The following ZC3H12B variants were observed in gnomAD, a reference collection of about 807,000 sequenced individuals.
ZC3H12B encodes the protein zinc finger CCCH-type containing 12B.
ZC3H12B carries 7 observed loss-of-function variants against 43.9 expected under a neutral mutation model. The observed-to-expected ratio is 0.16, with a 90% confidence interval of 0.09 to 0.30. ZC3H12B has a LOEUF of 0.30. Among genes scored for constraint, ZC3H12B ranks in the 10% least tolerant of loss-of-function variants. ZC3H12B has a pLI of 1.00. For missense variants in ZC3H12B, 475 were observed against 670.2 expected, an observed-to-expected ratio of 0.71 and a Z score of 3.22; for synonymous variants, 222 against 241.7, an observed-to-expected ratio of 0.92 and a Z score of 0.76.
At chrX:65,223,908 C>A in the ZC3H12B span, among the ~76,000 whole-genome samples, 1 of 112,152 alleles carries the variant, frequency 8.9e-6, no homozygotes, top group South Asian at 3.7e-4. Flanking sequence ...CCTTAAAGAA[C>A]TAAAAGTAGA....
At chrX:65,375,949 G>A (rs1487871183) in intron 2 of ZC3H12B, among the ~76,000 whole-genome samples, 3 of 111,992 alleles carry the variant, frequency 2.7e-5, no homozygotes, top group African/African-American at 6.5e-5. Flanking sequence ...TGCACCTTAG[G>A]TACCAGCTTG....
At chrX:65,068,105 C>CTTTTTTTTTT in the ZC3H12B span, among the ~76,000 whole-genome samples, 48 of 60,702 alleles carry the variant, frequency 7.9e-4, no homozygotes, top group African/African-American at 1.0e-3. Context: ...CTTGATGTTA[C>CTTTTTTTTTT]TTTTTTTTTT....
At chrX:65,421,626 C>T (rs2067018057) in intron 3 of ZC3H12B, among the ~76,000 whole-genome samples, 1 of 112,440 alleles carries the variant, frequency 8.9e-6, no homozygotes, top group African/African-American at 3.2e-5. Context: ...GTATTTCACA[C>T]AGCATTGCTT....
the ZC3H12B span, among the ~76,000 whole-genome samples, chrX:65,098,225 T>TACACACACACACACAC: frequency 3.1e-5 from 3 of 96,192 alleles, no homozygotes; most frequent in African/African-American, 1.2e-4. Flanking sequence ...CATGTCTTAG[T>TACACACACACACACAC]ACACACACAC....
At chrX:65,219,947 T>G in the ZC3H12B span, among the ~76,000 whole-genome samples, 2 of 110,753 alleles carry the variant, frequency 1.8e-5, no homozygotes, top group Non-Finnish European at 3.8e-5. Context: ...TTTTAACAGT[T>G]GTGAGGCAAA....
chrX:65,190,908 C>G, the ZC3H12B span, among the ~76,000 whole-genome samples: 1 of 104,661 alleles, frequency 9.6e-6, no homozygotes, highest in Non-Finnish European at 1.9e-5. Context: ...CAGTTTTTTC[C>G]CATTCAGTAT....
At chrX:65,103,768 G>A in the ZC3H12B span, among the ~76,000 whole-genome samples, 1 of 111,532 alleles carries the variant, frequency 9.0e-6, no homozygotes, top group Non-Finnish European at 1.9e-5. Context: ...CGAAATAAGA[G>A]AGGACACAAA....
chrX:65,070,816 G>GTTTT, the ZC3H12B span, among the ~76,000 whole-genome samples: 5 of 56,043 alleles, frequency 8.9e-5, no homozygotes, highest in Non-Finnish European at 1.4e-4. Context: ...TATGATTTCT[G>GTTTT]TTTTTTTTTT....
the ZC3H12B span, among the ~76,000 whole-genome samples, chrX:65,158,107 A>C: frequency 2.8e-5 from 3 of 108,219 alleles, no homozygotes; most frequent in Non-Finnish European, 3.8e-5. Flanking sequence ...TGAACTCATC[A>C]TTTTTTATGG....
intron 3 of ZC3H12B, among the ~76,000 whole-genome samples, chrX:65,401,752 A>G (rs750496483): frequency 2.7e-5 from 3 of 111,953 alleles, no homozygotes; most frequent in African/African-American, 9.7e-5. Flanking sequence ...CCTCAGCCAC[A>G]GCAGAATAGG....
At chrX:65,125,584 C>G in the ZC3H12B span, among the ~76,000 whole-genome samples, 1 of 110,967 alleles carries the variant, frequency 9.0e-6, no homozygotes, top group African/African-American at 3.3e-5. Context: ...ATTAAAGTCC[C>G]CCATTATTAT....
intron 3 of ZC3H12B, among the ~76,000 whole-genome samples, chrX:65,434,001 T>G (rs187369211): frequency 8.9e-6 from 1 of 112,036 alleles, no homozygotes; most frequent in East Asian, 2.8e-4. Flanking sequence ...AGTAATACCA[T>G]GATCGATGCC....
chrX:65,312,562 T>C, the ZC3H12B span, among the ~76,000 whole-genome samples: 1 of 111,174 alleles, frequency 9.0e-6, no homozygotes, highest in South Asian at 3.7e-4. Context: ...GAAATCACAA[T>C]TATTATTTGT....
chrX:65,227,949 G>C, the ZC3H12B span, among the ~76,000 whole-genome samples: 1 of 111,612 alleles, frequency 9.0e-6, no homozygotes, highest in Non-Finnish European at 1.9e-5. Context: ...AATTCTACCA[G>C]AGGTACAAGG....
At chrX:65,206,378 T>C in the ZC3H12B span, among the ~76,000 whole-genome samples, 11 of 111,867 alleles carry the variant, frequency 9.8e-5, no homozygotes, top group African/African-American at 3.6e-4. Context: ...AGCCAACTGA[T>C]CTTTGACAAA....
the ZC3H12B span, among the ~76,000 whole-genome samples, chrX:65,103,669 T>C: frequency 1.8e-5 from 2 of 111,781 alleles, no homozygotes; most frequent in East Asian, 2.8e-4. Context: ...AACTGATAAA[T>C]GTCCATGAAA....
At chrX:65,401,947 T>C (rs1359265033) in intron 3 of ZC3H12B, among the ~76,000 whole-genome samples, 4 of 111,954 alleles carry the variant, frequency 3.6e-5, no homozygotes, top group Non-Finnish European at 7.5e-5. Flanking sequence ...TGAGCAAGCC[T>C]CTGAAATTGC....
chrX:65,173,302 C>T, the ZC3H12B span, among the ~76,000 whole-genome samples: 1 of 111,900 alleles, frequency 8.9e-6, no homozygotes, highest in Non-Finnish European at 1.9e-5. Flanking sequence ...AGTTGCTTAT[C>T]AGCTTAAGGA....
chrX:65,310,688 A>C, the ZC3H12B span, among the ~76,000 whole-genome samples: 1 of 112,011 alleles, frequency 8.9e-6, no homozygotes, highest in South Asian at 3.7e-4. Context: ...CACATAGCCA[A>C]GACAATCCTA....
Sources: allele counts gnomAD v4.1 joint callset (sites outside exome capture counted in the v4.1 genomes callset), GRCh38; gene constraint gnomAD v4.1.1; transcripts MANE v1.5; gene names NCBI Gene and HGNC (gene_info 2026-07-23, HGNC 2026-07-21).